The following FAM171A1 variants were observed in gnomAD, a reference collection of about 807,000 sequenced individuals.
FAM171A1 encodes the protein family with sequence similarity 171 member A1, also known as protein FAM171A1.
Under a neutral mutation model 74.9 loss-of-function variants are expected in FAM171A1, and 23 were observed. The observed-to-expected ratio is 0.31, with a 90% CI of 0.22 to 0.44. FAM171A1 has a LOEUF of 0.44. Among genes scored for constraint, FAM171A1 ranks in the 20% least tolerant of loss-of-function variants. The pLI is 1.00. For missense variants in FAM171A1, 1,162 were observed against 1,159.2 expected (o/e 1.00, Z -0.03); for synonymous variants, 527 against 505.7 (o/e 1.04, Z -0.57).
chr10:15,213,710 G>T lies in FAM171A1; in HGVS notation c.1878C>A (p.Phe626Leu). ...AELSNPHAGI[F>L]PHPSSQIQPQ... The stretch of plus-strand genomic sequence containing the variant: ...GCTGGATCTGTGAGGACGGGTGTGG[G>T]AAGATCCCGGCATGGGGATTGGACA... Residue 626 changes from phenylalanine (F) to leucine (L), a missense_variant, in exon 8 of 8, where the codon TTC (phenylalanine) becomes TTA (leucine). Transcript: ENST00000378116. This position sits in a 1 kb window ranked among gnomAD's most constrained non-coding sequence, Gnocchi z 6.8. 1 of 1,612,320 alleles carries T rather than the reference G, an allele frequency of 6.2e-7. No homozygotes were observed. Among genetic ancestry groups the T allele is most frequent in the African/African-American group, 1.3e-5 (1 of 75,012 alleles).
rs188548609 is a variant in FAM171A1, at chr10:15,251,566, C to A, written c.578-2751G>T. 4.2e-4 allele frequency among the ~76,000 whole-genome samples: 64 copies of A among 152,022 alleles called. 2 individuals carry two copies. The highest frequency in any genetic ancestry group is 1.4e-3 in the African/African-American group (58 of 41,450). On this transcript the variant is annotated intron_variant, in intron 4 of 7. Transcript: ENST00000378116. ...AACAGGCACACACCACCACTCCTTG[C>A]TAATTTTTTTTTCTTTGTTTTTGTA...
chr10:15,273,741 A>G (rs1834857656), intron 3 of FAM171A1, among the ~76,000 whole-genome samples: 1 of 152,236 alleles, frequency 6.6e-6, no homozygotes, highest in Non-Finnish European at 1.5e-5. Context: ...TACGCAAATC[A>G]ATAAATGTAA....
chr10:15,314,460 C>A (rs981539860), intron 1 of FAM171A1, among the ~76,000 whole-genome samples: 1 of 152,260 alleles, frequency 6.6e-6, no homozygotes, highest in South Asian at 2.1e-4. Flanking sequence ...GGGTGTGAAT[C>A]AAGTCCATTG....
chr10:15,216,417 A>C (rs980837921), intron 6 of FAM171A1, among the ~76,000 whole-genome samples: 16 of 152,142 alleles, frequency 1.1e-4, no homozygotes, highest in Admixed American at 6.5e-5. Context: ...CCGCATTTGA[A>C]ATACATGATC....
At chr10:15,218,677 C>G (rs1833998229) in intron 6 of FAM171A1, among the ~76,000 whole-genome samples, 1 of 152,076 alleles carries the variant, frequency 6.6e-6, no homozygotes, top group Non-Finnish European at 1.5e-5. Context: ...TCACTGCAGC[C>G]TTGAACTCCT....
intron 1 of FAM171A1, among the ~76,000 whole-genome samples, chr10:15,334,068 G>A (rs988003798): frequency 3.9e-5 from 6 of 152,026 alleles, no homozygotes; most frequent in Admixed American, 6.6e-5. Context: ...ACTCTCCAGC[G>A]TATTCCCAGC....
At chr10:15,370,103 T>TC (rs1200454227) in intron 1 of FAM171A1, among the ~76,000 whole-genome samples, 1 of 151,116 alleles carries the variant, frequency 6.6e-6, no homozygotes, top group Non-Finnish European at 1.5e-5. Flanking sequence ...AAACGCTGAT[T>TC]TTAAAAACAA....
At chr10:15,252,097 C>G (rs980097804) in intron 4 of FAM171A1, among the ~76,000 whole-genome samples, 1 of 152,200 alleles carries the variant, frequency 6.6e-6, no homozygotes, top group Admixed American at 6.5e-5. Context: ...TCTCTGTCTT[C>G]CTGGAGTTAT....
chr10:15,242,917 C>T (rs892814022), intron 5 of FAM171A1, among the ~76,000 whole-genome samples: 3 of 152,224 alleles, frequency 2.0e-5, no homozygotes, highest in Non-Finnish European at 4.4e-5. Flanking sequence ...CCTAACAATG[C>T]ACACACCTCT....
At chr10:15,300,168 T>C (rs543935765) in intron 1 of FAM171A1, among the ~76,000 whole-genome samples, 14 of 152,336 alleles carry the variant, frequency 9.2e-5, no homozygotes, top group Admixed American at 5.2e-4. Context: ...AAGAAAGATA[T>C]TCAACAAGCT....
chr10:15,230,123 C>T (rs902738389), intron 5 of FAM171A1, among the ~76,000 whole-genome samples: 5 of 152,162 alleles, frequency 3.3e-5, no homozygotes, highest in Non-Finnish European at 7.4e-5. Flanking sequence ...ACAAAATCAG[C>T]ATAGAATCAC....
At chr10:15,356,678 G>A (rs1221350075) in intron 1 of FAM171A1, among the ~76,000 whole-genome samples, 1 of 152,116 alleles carries the variant, frequency 6.6e-6, no homozygotes, top group Non-Finnish European at 1.5e-5. Flanking sequence ...TGGGATAAAT[G>A]GATGAATCTG....
intron 1 of FAM171A1, among the ~76,000 whole-genome samples, chr10:15,312,008 ACAAGGAAGCTGACT>A (rs1041270080): frequency 6.6e-6 from 1 of 152,218 alleles, no homozygotes; most frequent in Non-Finnish European, 1.5e-5. Flanking sequence ...ATTTTTAAAG[ACAAGGAAGCTGACT>A]CGGAGAAGGT....
chr10:15,307,092 T>C lies in FAM171A1; in HGVS notation c.98-22987A>G, dbSNP rs1835304785. On this transcript the variant is annotated intron_variant, in intron 1 of 7. Coordinates refer to ENST00000378116, the MANE Select transcript of FAM171A1 (RefSeq NM_001010924.2). ...TGGGTGACCTTATTTCCTGCTTCTA[T>C]GTGCTGACCCAGGAGCATGAGGATG... 3.3e-5 allele frequency among the ~76,000 whole-genome samples: 5 copies of C among 152,316 alleles called. No homozygotes were observed. The South Asian group carries it at 1.0e-3, about 32-fold the overall frequency.
At chr10:15,320,455 A>T (rs1835473843) in intron 1 of FAM171A1, among the ~76,000 whole-genome samples, 1 of 152,240 alleles carries the variant, frequency 6.6e-6, no homozygotes, top group Non-Finnish European at 1.5e-5. Flanking sequence ...TCTTTATGGC[A>T]GAACGATTTA....
intron 1 of FAM171A1, among the ~76,000 whole-genome samples, chr10:15,366,652 A>G (rs1213466409): frequency 2.0e-5 from 3 of 152,232 alleles, no homozygotes; most frequent in Non-Finnish European, 4.4e-5. Flanking sequence ...GGTATTTGTC[A>G]TCACAGGACA....
In FAM171A1 at chr10:15,371,118, G is replaced by A. The variant is rs1053437139; in HGVS notation, c.-66C>T. ...CGGGCCGGGCGGCGGCGCGTCACGG[G>A]CGGCCGGGCGCCGCGCCCCCCTCCA... On this transcript the variant is annotated 5_prime_UTR_variant, in exon 1 of 8. Transcript: ENST00000378116. The A allele has an allele frequency of 1.3e-3, 953 of 707,874 alleles. 14 individuals are homozygous for A. The African/African-American group carries it at 0.017, about 13-fold the overall frequency. The allele number at this position is 707,874 out of a possible 1,614,324, so 43.8% of individuals were successfully genotyped here. A position where few individuals can be genotyped will look rare whatever the true frequency, so the allele number is the denominator to read the frequency against.
At chr10:15,293,527 T>A (rs575121081) in intron 1 of FAM171A1, among the ~76,000 whole-genome samples, 1 of 129,814 alleles carries the variant, frequency 7.7e-6, no homozygotes, top group East Asian at 2.3e-4. Context: ...GCAAAAAGAA[T>A]GAAACTGGCT....
intron 3 of FAM171A1, among the ~76,000 whole-genome samples, chr10:15,266,756 C>T (rs1373569311): frequency 6.6e-6 from 1 of 151,290 alleles, no homozygotes; most frequent in Non-Finnish European, 1.5e-5. Flanking sequence ...GTGGTAACAG[C>T]TACTCAGGAG....
Sources: allele counts gnomAD v4.1 joint callset (sites outside exome capture counted in the v4.1 genomes callset), GRCh38; gene constraint gnomAD v4.1.1; non-coding constraint Gnocchi (gnomAD v3.1); transcripts MANE v1.5; gene names NCBI Gene and HGNC (gene_info 2026-07-23, HGNC 2026-07-21).